The following PRDM16 variants were observed in gnomAD, a reference collection of about 807,000 sequenced individuals.
PRDM16 encodes the protein PR/SET domain 16, also known as histone-lysine N-methyltransferase PRDM16.
PRDM16 carries 23 observed loss-of-function variants against 110.6 expected under a neutral mutation model. That is an observed-to-expected ratio of 0.21 (90% CI 0.15 to 0.29). PRDM16 has a LOEUF of 0.29. Among genes scored for constraint, PRDM16 ranks in the 10% least tolerant of loss-of-function variants. The pLI is 1.00. For missense variants in PRDM16, 1,615 were observed against 1,794.3 expected, an observed-to-expected ratio of 0.90 and a Z score of 1.81; for synonymous variants, 799 against 781.8, an observed-to-expected ratio of 1.02 and a Z score of -0.37.
rs139276894 is a variant in PRDM16 at position 3,405,074 on chromosome 1, G to A, written c.1032+188G>A. Among the ~76,000 whole-genome samples, 35 of 152,214 alleles carry A rather than the reference G, an allele frequency of 2.3e-4. 1 individual carries two copies. Among genetic ancestry groups the A allele is most frequent in the South Asian group, 6.2e-4 (3 of 4,818 alleles). On this transcript the variant is annotated intron_variant, in intron 7 of 16. Coordinates refer to ENST00000270722, the MANE Select transcript of PRDM16 (RefSeq NM_022114.4). ...AGGAAAGGAAGTCTCAGGGAAGACC[G>A]TGTCCCCCAGGTCAGAAGGATCAGG...
chr1:3,096,678 G>A (rs1344063608), intron 1 of PRDM16, among the ~76,000 whole-genome samples: 2 of 152,182 alleles, frequency 1.3e-5, no homozygotes, highest in Admixed American at 6.5e-5. Flanking sequence ...CGAGGAAGAC[G>A]GCCCCGTCCC....
At chr1:3,083,399 C>G (rs1259220502) in intron 1 of PRDM16, among the ~76,000 whole-genome samples, 2 of 152,224 alleles carry the variant, frequency 1.3e-5, no homozygotes, top group African/African-American at 4.8e-5. Flanking sequence ...CTGCTGTGTG[C>G]CGGGCGGGCA....
chr1:3,084,979 C>A (rs1481400555), intron 1 of PRDM16, among the ~76,000 whole-genome samples: 1 of 152,156 alleles, frequency 6.6e-6, no homozygotes, highest in Non-Finnish European at 1.5e-5. Flanking sequence ...CGGGCGGGTG[C>A]TGGGGGTTTG....
chr1:3,162,098 G>A lies in PRDM16; in HGVS notation c.38-24027G>A, dbSNP rs544889062. ...CCAAAACCACACATGGGCTAATTGT[G>A]GTAAAATATACAAATGTAATCTTTG... On this transcript the variant is annotated intron_variant, in intron 1 of 16. Coordinates refer to ENST00000270722, the MANE Select transcript of PRDM16 (RefSeq NM_022114.4). 3.3e-5 allele frequency among the ~76,000 whole-genome samples: 5 copies of A among 152,154 alleles called. No individual in the cohort carries two copies. In the East Asian group the frequency reaches 9.7e-4, roughly 30 times the overall value.
chr1:3,252,580 C>A (rs1359308574), intron 3 of PRDM16, among the ~76,000 whole-genome samples: 1 of 152,180 alleles, frequency 6.6e-6, no homozygotes, highest in Admixed American at 6.5e-5. Flanking sequence ...TAAGAAGCCA[C>A]CTGCTGTTAG....
At chr1:3,299,077 A>T (rs1641150989) in intron 3 of PRDM16, among the ~76,000 whole-genome samples, 1 of 152,098 alleles carries the variant, frequency 6.6e-6, no homozygotes, top group African/African-American at 2.4e-5. Flanking sequence ...CTCCCTCAAG[A>T]CACTGGCTCG....
intron 1 of PRDM16, among the ~76,000 whole-genome samples, chr1:3,079,216 G>C (rs966076904): frequency 6.6e-6 from 1 of 152,254 alleles, no homozygotes; most frequent in East Asian, 1.9e-4. Context: ...GGCCGTGATG[G>C]GGAGGAGAGG....
At chr1:3,432,227 C>G in intron 16 of PRDM16, 87 bp downstream of exon 16, 1 of 1,277,718 alleles carries the variant, frequency 7.8e-7, no homozygotes, top group Non-Finnish European at 1.1e-6. Context: ...CGTGGCCCTC[C>G]TAGGCCTGAG....
chr1:3,224,106 C>T (rs916002250), intron 2 of PRDM16, among the ~76,000 whole-genome samples: 4 of 152,086 alleles, frequency 2.6e-5, no homozygotes, highest in Non-Finnish European at 4.4e-5. Flanking sequence ...AATCAATTTC[C>T]CTGAAAGCAT....
intron 3 of PRDM16, among the ~76,000 whole-genome samples, chr1:3,352,367 T>A (rs1204452173): frequency 6.6e-6 from 1 of 152,076 alleles, no homozygotes; most frequent in African/African-American, 2.4e-5. Flanking sequence ...TTTAATTGTT[T>A]TTCTCCCCCC....
At chr1:3,078,788 G>GT (rs1641954247) in intron 1 of PRDM16, among the ~76,000 whole-genome samples, 1 of 152,208 alleles carries the variant, frequency 6.6e-6, no homozygotes, top group Non-Finnish European at 1.5e-5. Context: ...TTGAATCCCT[G>GT]TATCTGATCC....
intron 1 of PRDM16, among the ~76,000 whole-genome samples, chr1:3,179,203 G>C (rs1018608906): frequency 6.6e-6 from 1 of 152,234 alleles, no homozygotes; most frequent in African/African-American, 2.4e-5. Context: ...ATGTGTAGCC[G>C]ATCCCAACCA....
chr1:3,096,390 C>T lies in PRDM16; in HGVS notation c.37+27094C>T, dbSNP rs189888527. Among the ~76,000 whole-genome samples, 239 of 152,268 alleles carry T rather than the reference C, an allele frequency of 1.6e-3. 2 individuals carry two copies. Among genetic ancestry groups the T allele is most frequent in the African/African-American group, 5.5e-3 (230 of 41,556 alleles). Reference sequence around the variant, plus strand: ...GGCTCTGTGCACCATCCCTTGTCCACGCTCTCCCCTGGCCAAGTCGGAGCC... The same window carrying T: ...GGCTCTGTGCACCATCCCTTGTCCATGCTCTCCCCTGGCCAAGTCGGAGCC... On this transcript the variant is annotated intron_variant, in intron 1 of 16. Coordinates refer to ENST00000270722, the MANE Select transcript of PRDM16 (RefSeq NM_022114.4).
rs1003728120 is a variant in PRDM16, at chr1:3,255,999, A to C, written c.438+11862A>C. ...CAGGGGAGGGACAGGATTACGTGGC[A>C]GAGAGCAGGTATGTGGCACAGTGAC... On this transcript the variant is annotated intron_variant, in intron 3 of 16. Coordinates refer to ENST00000270722, the MANE Select transcript of PRDM16 (RefSeq NM_022114.4). The surrounding 1 kb of genome is among the most constrained non-coding windows in gnomAD (Gnocchi z 4.7). Among the ~76,000 whole-genome samples, 5 of 152,166 alleles carry C rather than the reference A, an allele frequency of 3.3e-5. No homozygotes were observed. Among genetic ancestry groups the C allele is most frequent in the Admixed American group, 1.3e-4 (2 of 15,278 alleles).
At chr1:3,089,666 C>G (rs1025638798) in intron 1 of PRDM16, among the ~76,000 whole-genome samples, 1 of 152,234 alleles carries the variant, frequency 6.6e-6, no homozygotes, top group African/African-American at 2.4e-5. Context: ...CAGCCACTGC[C>G]GAGGAAGCGC....
At chr1:3,293,006 C>A (rs1641011257) in intron 3 of PRDM16, among the ~76,000 whole-genome samples, 1 of 152,242 alleles carries the variant, frequency 6.6e-6, no homozygotes, top group Non-Finnish European at 1.5e-5. Flanking sequence ...AGCCTCAGTT[C>A]GGCTGTCTTT....
At chr1:3,405,800 G>A (rs756894589) in intron 8 of PRDM16, 152 bp downstream of exon 8, 14 of 739,436 alleles carry the variant, frequency 1.9e-5, no homozygotes, top group African/African-American at 3.7e-5. Context: ...CATCTCTGCC[G>A]CGTGCAGCCT....
intron 1 of PRDM16, among the ~76,000 whole-genome samples, chr1:3,140,197 G>A (rs572429259): frequency 6.6e-6 from 1 of 152,374 alleles, no homozygotes; most frequent in African/African-American, 2.4e-5. Context: ...CCCCCGGATG[G>A]CCGTTGCCAC....
chr1:3,314,374 G>T (rs532844314), intron 3 of PRDM16, among the ~76,000 whole-genome samples: 1 of 152,142 alleles, frequency 6.6e-6, no homozygotes, highest in African/African-American at 2.4e-5. Context: ...TCTCTGTACC[G>T]AATCGGAAGG....
Sources: gnomAD v4.1 joint callset for allele counts (sites outside exome capture counted in the v4.1 genomes callset) on GRCh38, gnomAD v4.1.1 for gene constraint, Gnocchi (gnomAD v3.1) non-coding constraint, MANE v1.5 for transcripts, NCBI Gene and HGNC (gene_info 2026-07-23, HGNC 2026-07-21) for gene names.